Variants in CASKIN1 observed in about 807,000 individuals in gnomAD.
The protein encoded by CASKIN1 is CASK interacting protein 1.
Under a neutral mutation model 117.5 loss-of-function variants are expected in CASKIN1, and 42 were observed. The ratio of observed to expected loss-of-function variants is 0.36; its 90% CI spans 0.28 to 0.46. The LOEUF (loss-of-function observed/expected upper bound fraction) is 0.46. Ranked by LOEUF, CASKIN1 falls within the 20% of genes least tolerant of loss-of-function variation. The pLI is 1.00. For synonymous variants in CASKIN1, 1,148 were observed against 961.7 expected (o/e 1.19, Z -3.59); for missense variants, 2,083 against 2,077.3 (o/e 1.00, Z -0.05).
At chr16:2,185,925 G>T (rs982127545) in intron 10 of CASKIN1, among the ~76,000 whole-genome samples, 4 of 152,212 alleles carry the variant, frequency 2.6e-5, no homozygotes, top group African/African-American at 9.7e-5. Context: ...CTGCCTCAGC[G>T]CCTTTGGTTT....
At position 2,179,894 on chromosome 16, in the gene CASKIN1, C is replaced by T. The variant is rs746884750; in HGVS notation, c.3474G>A (p.Glu1158=). 102 of 1,605,290 alleles carry T rather than the reference C, an allele frequency of 6.4e-5. No individual in the cohort carries two copies. Among genetic ancestry groups the T allele is most frequent in the Non-Finnish European group, 8.2e-5 (96 of 1,176,240 alleles). Residue 1158 remains glutamate, a synonymous_variant, in exon 18 of 20, where the codon GAG becomes GAA. Transcript: ENST00000343516. This position sits in a 1 kb window ranked among gnomAD's most constrained non-coding sequence, Gnocchi z 5.8. The part of the protein sequence containing the change: ...VKRRPKAKER[E]AGPEPPPPLS... ...GTGGCGGTGGTGGCTCAGGCCCGGC[C>T]TCCCGCTCCTTGGCCTTGGGCCTGC...
In CASKIN1 at chr16:2,183,739, C is replaced by T. The variant is rs370796747; in HGVS notation, c.1536G>A (p.Thr512=). The T allele has an allele frequency of 2.2e-5, 36 of 1,613,200 alleles. No homozygotes were observed. Among genetic ancestry groups the T allele is most frequent in the East Asian group, 4.5e-5 (2 of 44,898 alleles). The change falls in exon 16 of 20, where the codon ACG becomes ACA. Residue 512 remains threonine (T), a synonymous_variant. Transcript: ENST00000343516. ...GGCCCGGCTTGGTGACACCAATGGCCGTGAGGTCCTAGGCAGTGGGGAGGC... is the reference window on the plus strand; with the variant it reads ...GGCCCGGCTTGGTGACACCAATGGCTGTGAGGTCCTAGGCAGTGGGGAGGC... ...TISRMTPEDL[T]AIGVTKPGHR...
Position 2,178,955 on chromosome 16 carries a change from C to G in CASKIN1, c.4146G>C (p.Ala1382=), listed in dbSNP as rs1031792101. 2.0e-6 allele frequency: 3 copies of G among 1,486,100 alleles called. No homozygotes were observed. The highest frequency in any genetic ancestry group is 2.9e-5 in the African/African-American group (2 of 68,572). The allele number at this position is 1,486,100 out of a possible 1,614,324, so 92.1% of individuals were successfully genotyped here. A position where few individuals can be genotyped will look rare whatever the true frequency, so the allele number is the denominator to read the frequency against. Residue 1382 remains alanine (A), a synonymous_variant, in exon 19 of 20, where the codon GCG becomes GCC. Transcript: ENST00000343516. ...TCTTCTCCTCCACCGCCTGCAGCGCCGCGGCCAGGCACGCGCTTGTCTCCT... is the reference window on the plus strand; with the variant it reads ...TCTTCTCCTCCACCGCCTGCAGCGCGGCGGCCAGGCACGCGCTTGTCTCCT... The part of the protein sequence containing the change: ...KLEETSACLA[A]ALQAVEEKIR...
chr16:2,183,610 T>C, intron 16 of CASKIN1, 36 bp downstream of exon 16: 2 of 1,601,590 alleles, frequency 1.2e-6, no homozygotes, highest in Non-Finnish European at 1.7e-6. Flanking sequence ...TGTCTGCCCG[T>C]CCTGGGCCCA....
chr16:2,187,565 G>A, intron 6 of CASKIN1, 104 bp from the exon 7 acceptor site: 2 of 891,636 alleles, frequency 2.2e-6, no homozygotes, highest in South Asian at 2.8e-5. Flanking sequence ...AGTCAGCTTG[G>A]GGGCTGAGGA....
At chr16:2,194,820 C>T (rs1315201550) in intron 1 of CASKIN1, among the ~76,000 whole-genome samples, 2 of 152,130 alleles carry the variant, frequency 1.3e-5, no homozygotes, top group African/African-American at 4.8e-5. Flanking sequence ...GAGGAACCTC[C>T]CCAGAGCTGA....
chr16:2,192,530 T>A (rs529240865), intron 1 of CASKIN1, among the ~76,000 whole-genome samples: 2 of 152,154 alleles, frequency 1.3e-5, no homozygotes, highest in African/African-American at 4.8e-5. Flanking sequence ...CAGACGTTCC[T>A]CCAACATATC....
intron 1 of CASKIN1, among the ~76,000 whole-genome samples, chr16:2,194,507 T>C (rs981486254): frequency 6.6e-5 from 10 of 152,166 alleles, no homozygotes; most frequent in African/African-American, 2.4e-4. Flanking sequence ...GGGACAGCCC[T>C]GGGCTCACGG....
chr16:2,187,322 TG>T (rs2093187911), intron 7 of CASKIN1, 30 bp downstream of exon 7: 5 of 1,612,546 alleles, frequency 3.1e-6, no homozygotes, highest in Non-Finnish European at 4.2e-6. Flanking sequence ...TACAGTCCAC[TG>T]GGCCCAGCGC....
intron 3 of CASKIN1, 96 bp downstream of exon 3, chr16:2,189,977 G>A (rs1338547198): frequency 3.5e-6 from 4 of 1,153,194 alleles, no homozygotes; most frequent in Non-Finnish European, 5.0e-6. Flanking sequence ...CTGAGACCCT[G>A]GGCTGAGACC....
intron 17 of CASKIN1, 90 bp downstream of exon 17, chr16:2,181,701 T>C: frequency 1.8e-5 from 3 of 163,616 alleles, no homozygotes; most frequent in East Asian, 2.6e-4. Context: ...AGCTTGGGGC[T>C]GGGGCGGGGC....
chr16:2,194,058 C>T (rs967658583), intron 1 of CASKIN1, among the ~76,000 whole-genome samples: 31 of 152,174 alleles, frequency 2.0e-4, no homozygotes, highest in Admixed American at 1.9e-3. Flanking sequence ...GCCTTACCCC[C>T]GACCAGCCCT....
At chr16:2,195,064 C>T (rs2093211729) in intron 1 of CASKIN1, among the ~76,000 whole-genome samples, 1 of 152,220 alleles carries the variant, frequency 6.6e-6, no homozygotes, top group Admixed American at 6.5e-5. Flanking sequence ...ACCTTGCCTT[C>T]CCTCAATCCC....
chr16:2,183,777 G>GGCTGGGCCCATCTGTGGGACGCA, intron 15 of CASKIN1, 30 bp from the exon 16 acceptor site: 1 of 1,612,348 alleles, frequency 6.2e-7, no homozygotes, highest in African/African-American at 1.3e-5. Flanking sequence ...GTCAGCTAGG[G>GGCTGGGCCCATCTGTGGGACGCA]GCTGGGCCCA....
chr16:2,184,692 G>C (rs557306538), intron 14 of CASKIN1, 85 bp downstream of exon 14: 1 of 1,224,322 alleles, frequency 8.2e-7, no homozygotes, highest in African/African-American at 1.5e-5. Flanking sequence ...TGCCAGGCCA[G>C]GCAGGCCGTG....
chr16:2,185,505 G>T lies in CASKIN1; in HGVS notation c.1049-97C>A, dbSNP rs1038318359. Reference sequence around the variant, plus strand: ...GAGACTGGCGCAGCCACAGCCGGGGGTCCTCTCTGCCCACCATTGTCTCCA... The same window carrying T: ...GAGACTGGCGCAGCCACAGCCGGGGTTCCTCTCTGCCCACCATTGTCTCCA... On this transcript the variant is annotated intron_variant, in intron 10 of 19. Transcript: ENST00000343516. 3 of 1,022,044 alleles carry T rather than the reference G, an allele frequency of 2.9e-6. No homozygotes were observed. In the African/African-American group the frequency reaches 4.9e-5, roughly 17 times the overall value. The allele number at this position is 1,022,044 out of a possible 1,614,324, so 63.3% of individuals were successfully genotyped here.
Position 2,189,559 on chromosome 16 carries a change from G to T in CASKIN1, c.250C>A (p.Arg84=). The change falls in exon 4 of 20, where the codon CGG becomes AGG. Residue 84 remains arginine (R), a synonymous_variant. Coordinates refer to ENST00000343516, the MANE Select transcript of CASKIN1 (RefSeq NM_020764.4). ...TGCCAGGCCGCATAGTGCAGCGGCC[G>T]CATGCCTGGGGGGCGAGGGGATGCT... The part of the protein sequence containing the change: ...AVDIKDNKGM[R]PLHYAAWQGR... 1.2e-6 allele frequency: 2 copies of T among 1,602,084 alleles called. No individual in the cohort carries two copies. The highest frequency in any genetic ancestry group is 1.7e-6 in the Non-Finnish European group (2 of 1,175,340).
chr16:2,188,487 T>C (rs193062050), intron 6 of CASKIN1, among the ~76,000 whole-genome samples: 1 of 151,924 alleles, frequency 6.6e-6, no homozygotes, highest in East Asian at 1.9e-4. Context: ...AGTAGCTGGG[T>C]CTACAGGTGT....
intron 17 of CASKIN1, 35 bp downstream of exon 17, chr16:2,181,756 T>C: frequency 6.3e-7 from 1 of 1,578,138 alleles, no homozygotes; most frequent in African/African-American, 1.5e-5. Flanking sequence ...GGCTGAGGGT[T>C]GGGCTGGGGA....
Sources: gnomAD v4.1 joint callset for allele counts (sites outside exome capture counted in the v4.1 genomes callset) on GRCh38, gnomAD v4.1.1 for gene constraint, Gnocchi (gnomAD v3.1) non-coding constraint, MANE v1.5 for transcripts, NCBI Gene and HGNC (gene_info 2026-07-23, HGNC 2026-07-21) for gene names.